The following WNK3 variants were observed in gnomAD, a reference collection of about 807,000 sequenced individuals.
The protein encoded by WNK3 is WNK lysine deficient protein kinase 3, also known as serine/threonine-protein kinase WNK3.
In WNK3, 18 loss-of-function variants were observed where a neutral mutation model predicts 116.7. The ratio of observed to expected loss-of-function variants is 0.15; its 90% CI spans 0.11 to 0.23. The LOEUF is 0.23. Ranked by LOEUF, WNK3 falls within the 10% of genes least tolerant of loss-of-function variation. The pLI, the probability that WNK3 is intolerant of heterozygous loss-of-function variation, is 1.00. For synonymous variants in WNK3, 404 were observed against 469.4 expected (o/e 0.86, Z 1.80); for missense variants, 993 against 1,323.8 (o/e 0.75, Z 3.88).
intron 2 of WNK3, among the ~76,000 whole-genome samples, chrX:54,327,876 G>T (rs138653661): frequency 0.023 from 2,520 of 110,027 alleles, 65 homozygotes; most frequent in African/African-American, 0.077. Flanking sequence ...GCTGAGGTGG[G>T]AGAATCAATT....
chrX:54,329,627 A>C (rs1000734986), intron 2 of WNK3, among the ~76,000 whole-genome samples: 1 of 108,332 alleles, frequency 9.2e-6, no homozygotes, highest in Non-Finnish European at 1.9e-5. Flanking sequence ...AGCCTGGGCA[A>C]CAGAGCAAGA....
chrX:54,205,092 G>C (rs1405660195), intron 22 of WNK3, among the ~76,000 whole-genome samples: 1 of 111,095 alleles, frequency 9.0e-6, no homozygotes, highest in African/African-American at 3.3e-5. Flanking sequence ...GTGGGTGCCT[G>C]TAATCCCAGC....
chrX:54,215,478 C>T (rs1269889878), intron 22 of WNK3, among the ~76,000 whole-genome samples: 2 of 112,847 alleles, frequency 1.8e-5, no homozygotes, highest in East Asian at 2.8e-4. Context: ...GACGGAGTCT[C>T]GCTCACTCAG....
chrX:54,263,089 C>A (rs1270205205), intron 10 of WNK3, among the ~76,000 whole-genome samples: 1 of 110,449 alleles, frequency 9.1e-6, no homozygotes, highest in African/African-American at 3.3e-5. Context: ...GGATCTTTCT[C>A]CTTTACTTGC....
chrX:54,320,413 T>C (rs1282815489), intron 2 of WNK3, among the ~76,000 whole-genome samples: 2 of 112,450 alleles, frequency 1.8e-5, no homozygotes, highest in African/African-American at 3.2e-5. Context: ...GGAGAAATCA[T>C]TAACAATGAT....
chrX:54,250,159 A>G (rs782232881), intron 15 of WNK3, 28 bp from the exon 16 acceptor site: 35 of 1,138,663 alleles, frequency 3.1e-5, no homozygotes, highest in Non-Finnish European at 4.0e-5. Context: ...AAAAAATAAT[A>G]TGCTAAGCTA....
intron 22 of WNK3, among the ~76,000 whole-genome samples, chrX:54,215,221 C>A (rs1403147419): frequency 9.1e-6 from 1 of 110,341 alleles, no homozygotes; most frequent in Non-Finnish European, 1.9e-5. Context: ...CCTCTTTGCA[C>A]GGTCTCCCTC....
At chrX:54,217,610 G>A (rs1184635538) in intron 22 of WNK3, among the ~76,000 whole-genome samples, 1 of 109,922 alleles carries the variant, frequency 9.1e-6, no homozygotes, top group Non-Finnish European at 1.9e-5. Flanking sequence ...GACAGAGCAA[G>A]GCTTGGTCTC....
chrX:54,211,794 C>T (rs1407053439), intron 22 of WNK3, among the ~76,000 whole-genome samples: 9 of 109,730 alleles, frequency 8.2e-5, no homozygotes, highest in Non-Finnish European at 1.1e-4. Flanking sequence ...GGTGACAGGA[C>T]GAGACTCTGC....
intron 13 of WNK3, among the ~76,000 whole-genome samples, chrX:54,252,661 C>G (rs62615748): frequency 0.014 from 1,234 of 89,145 alleles, 17 homozygotes; most frequent in Non-Finnish European, 0.019. Context: ...TAGAGCGAGA[C>G]TCTGTCTCAA....
chrX:54,313,354 ATT>A (rs111763027), intron 2 of WNK3, among the ~76,000 whole-genome samples: 2 of 99,103 alleles, frequency 2.0e-5, no homozygotes, highest in Non-Finnish European at 2.0e-5. Context: ...ACTCCTCTGT[ATT>A]TTTTTTTTTT....
intron 1 of WNK3, among the ~76,000 whole-genome samples, chrX:54,351,645 C>T (rs1557178532): frequency 9.0e-6 from 1 of 111,317 alleles, no homozygotes; most frequent in African/African-American, 3.3e-5. Flanking sequence ...GGTGCAGTGG[C>T]TCACGTCTGT....
intron 23 of WNK3, 49 bp from the exon 24 acceptor site, chrX:54,198,702 C>A (rs1472824067): frequency 2.1e-6 from 2 of 944,379 alleles, no homozygotes; most frequent in Non-Finnish European, 2.8e-6. Context: ...TTGGTATAGA[C>A]TTTTATCAGT....
chrX:54,302,805 C>T (rs1157251511), intron 5 of WNK3, among the ~76,000 whole-genome samples: 9 of 91,088 alleles, frequency 9.9e-5, no homozygotes, highest in African/African-American at 3.7e-4. Flanking sequence ...CTCTGTCCAC[C>T]CAGGCTGAAG....
intron 2 of WNK3, among the ~76,000 whole-genome samples, chrX:54,319,668 T>C (rs1320717558): frequency 8.9e-6 from 1 of 112,124 alleles, no homozygotes; most frequent in Admixed American, 9.5e-5. Context: ...AGAGCCAAGA[T>C]CTTCAAAACT....
chrX:54,215,219 C>T (rs1042207303), intron 22 of WNK3, among the ~76,000 whole-genome samples: 1 of 110,282 alleles, frequency 9.1e-6, no homozygotes, highest in Non-Finnish European at 1.9e-5. Context: ...TCCCTCTTTG[C>T]ACGGTCTCCC....
chrX:54,351,448 A>G (rs1469563554), intron 1 of WNK3, among the ~76,000 whole-genome samples: 1 of 110,985 alleles, frequency 9.0e-6, no homozygotes, highest in African/African-American at 3.3e-5. Context: ...TTTAAAGAAG[A>G]GTTGCCCATT....
At chrX:54,208,739 C>T (rs1456904159) in intron 22 of WNK3, among the ~76,000 whole-genome samples, 9 of 111,881 alleles carry the variant, frequency 8.0e-5, no homozygotes, top group African/African-American at 2.9e-4. Flanking sequence ...CAGTGATTCA[C>T]CAGGTCTCCA....
chrX:54,255,755 C>G lies in WNK3; in HGVS notation c.2235G>C (p.Gln745His). 1 of 1,207,831 alleles carries G rather than the reference C, an allele frequency of 8.3e-7. No individual in the cohort carries two copies. The highest frequency in any genetic ancestry group is 1.1e-6 in the Non-Finnish European group (1 of 894,142). The change falls in exon 12 of 24, where the codon CAG (glutamine) becomes CAC (histidine). Residue 745 changes from glutamine (Q) to histidine (H), a missense_variant. Transcript: ENST00000354646. The stretch of plus-strand genomic sequence containing the variant: ...ACAAACTGACCTGAAGGACGGTAAG[C>G]TGAAATTTAGTCCCCTTCTCTGGTC...
Sources: gnomAD v4.1 joint callset for allele counts (sites outside exome capture counted in the v4.1 genomes callset) on GRCh38, gnomAD v4.1.1 for gene constraint, MANE v1.5 for transcripts, NCBI Gene and HGNC (gene_info 2026-07-23, HGNC 2026-07-21) for gene names.